The following AFF2 variants were observed in gnomAD, a reference collection of about 807,000 sequenced individuals.
AFF2 encodes the protein AF4/FMR2 family member 2.
In AFF2, 14 loss-of-function variants were observed where a neutral mutation model predicts 76.9. That is an observed-to-expected ratio of 0.18 (90% CI 0.12 to 0.28). The LOEUF is 0.28. AFF2 is among the 10% of genes least tolerant of loss of function. The probability of loss-of-function intolerance (pLI) is 1.00; values close to 1 mark genes in which losing one functional copy is unlikely to be tolerated. For missense variants in AFF2, 868 were observed against 1,001.1 expected, an observed-to-expected ratio of 0.87 and a Z score of 1.79; for synonymous variants, 398 against 366.7, an observed-to-expected ratio of 1.09 and a Z score of -0.98.
At chrX:148,830,269 G>A (rs1282611099) in intron 4 of AFF2, among the ~76,000 whole-genome samples, 6 of 112,205 alleles carry the variant, frequency 5.3e-5, no homozygotes, top group Non-Finnish European at 1.1e-4. Context: ...TGCCTGAGGG[G>A]GCCTAGTAGG....
At chrX:148,623,620 T>TATATATATATATATA (rs1569552301) in intron 1 of AFF2, among the ~76,000 whole-genome samples, 2 of 108,275 alleles carry the variant, frequency 1.8e-5, no homozygotes, top group Non-Finnish European at 3.8e-5. Context: ...TATATATATA[T>TATATATATATATATA]TTAACTTGGT....
intron 9 of AFF2, among the ~76,000 whole-genome samples, chrX:148,909,008 C>G (rs1360209601): frequency 1.8e-5 from 2 of 111,744 alleles, no homozygotes; most frequent in African/African-American, 3.3e-5. Flanking sequence ...GACTCCTGCT[C>G]TAGTTGGTGA....
chrX:148,879,095 G>C (rs1450671910), intron 7 of AFF2, among the ~76,000 whole-genome samples: 3 of 111,792 alleles, frequency 2.7e-5, no homozygotes, highest in Admixed American at 9.5e-5. Context: ...GATTTGGCTT[G>C]TGTATACAAT....
intron 9 of AFF2, among the ~76,000 whole-genome samples, chrX:148,928,765 G>A (rs2071681005): frequency 8.9e-6 from 1 of 112,239 alleles, no homozygotes; most frequent in Non-Finnish European, 1.9e-5. Flanking sequence ...CAAAGCAATT[G>A]CAGTAATAAT....
intron 3 of AFF2, among the ~76,000 whole-genome samples, chrX:148,685,275 G>A (rs782641199): frequency 8.9e-5 from 10 of 111,975 alleles, no homozygotes; most frequent in Non-Finnish European, 1.9e-4. Flanking sequence ...ACAATGACCA[G>A]TGGCTTAAAG....
At chrX:148,900,917 A>G (rs1395220540) in intron 8 of AFF2, among the ~76,000 whole-genome samples, 1 of 111,887 alleles carries the variant, frequency 8.9e-6, no homozygotes, top group African/African-American at 3.3e-5. Context: ...TAGGTTTCAT[A>G]CCACAATGTG....
At position 148,794,692 on chromosome X, in the gene AFF2, G is replaced by A. The variant is rs781915596; in HGVS notation, c.1042-15184G>A. On this transcript the variant is annotated intron_variant, in intron 3 of 20. Coordinates refer to ENST00000370460, the MANE Select transcript of AFF2 (RefSeq NM_002025.4). ...AGACTATCAGTATTTTGCCTTTGAT[G>A]TTGATGGTCAGCTTGGAATTTGTAA... Among the ~76,000 whole-genome samples, 44 of 111,700 alleles carry A rather than the reference G, an allele frequency of 3.9e-4. 3 individuals are homozygous for A. In the South Asian group the frequency reaches 0.016, roughly 42 times the overall value.
intron 1 of AFF2, among the ~76,000 whole-genome samples, chrX:148,649,668 C>A (rs1409970536): frequency 2.7e-5 from 3 of 112,410 alleles, no homozygotes; most frequent in Non-Finnish European, 5.6e-5. Context: ...CCTAACAAAT[C>A]AAAGCCAGGG....
chrX:148,963,107 A>G (rs888039268), intron 13 of AFF2, among the ~76,000 whole-genome samples, 170 bp downstream of exon 13: 3 of 112,033 alleles, frequency 2.7e-5, no homozygotes, highest in African/African-American at 9.7e-5. Flanking sequence ...CTTTTTGTAT[A>G]GTGCCTAGTA....
At chrX:148,806,029 C>T (rs1384994114) in intron 3 of AFF2, among the ~76,000 whole-genome samples, 1 of 112,417 alleles carries the variant, frequency 8.9e-6, no homozygotes, top group African/African-American at 3.2e-5. Context: ...TCTGAATACT[C>T]AAGAGTGGAT....
chrX:148,758,213 A>T, intron 3 of AFF2, among the ~76,000 whole-genome samples: 1 of 112,502 alleles, frequency 8.9e-6, no homozygotes, highest in Admixed American at 9.4e-5. Context: ...TGTATAGAAC[A>T]ATTTTCTGAG....
At chrX:148,628,308 A>G (rs1258201337) in intron 1 of AFF2, among the ~76,000 whole-genome samples, 1 of 111,358 alleles carries the variant, frequency 9.0e-6, no homozygotes, top group Non-Finnish European at 1.9e-5. Context: ...TGAATAAAAT[A>G]TTAATGTAAT....
At chrX:148,536,036 T>A (rs2052781226) in intron 1 of AFF2, among the ~76,000 whole-genome samples, 1 of 110,542 alleles carries the variant, frequency 9.0e-6, no homozygotes, top group African/African-American at 3.3e-5. Context: ...CTGGCCAACA[T>A]GGTGAAACCC....
intron 2 of AFF2, among the ~76,000 whole-genome samples, chrX:148,655,218 G>A (rs1311625107): frequency 9.0e-6 from 1 of 110,813 alleles, no homozygotes; most frequent in Non-Finnish European, 1.9e-5. Context: ...GTATAGTGTG[G>A]GGCAGGGCCT....
At chrX:148,545,806 C>A (rs1188142985) in intron 1 of AFF2, among the ~76,000 whole-genome samples, 1 of 110,906 alleles carries the variant, frequency 9.0e-6, no homozygotes. Flanking sequence ...TCCCACCCCC[C>A]AAATTTGTGA....
chrX:148,693,353 C>A lies in AFF2; in HGVS notation c.1041+30585C>A, dbSNP rs1294780306. 2.7e-5 allele frequency among the ~76,000 whole-genome samples: 3 copies of A among 111,553 alleles called. No individual in the cohort carries two copies. The Admixed American group carries it at 2.8e-4, about 11-fold the overall frequency. On this transcript the variant is annotated intron_variant, in intron 3 of 20. Transcript: ENST00000370460. ...GAAAGGTGACTCAGTGGAGGGCAGC[C>A]AGCAGCCCGCTCTCCCAGAAGATGA...
chrX:148,889,302 G>A (rs1557279460), intron 8 of AFF2, among the ~76,000 whole-genome samples: 1 of 111,334 alleles, frequency 9.0e-6, no homozygotes, highest in Non-Finnish European at 1.9e-5. Flanking sequence ...AGCAGTGTTA[G>A]CCATGCTGAG....
chrX:148,757,588 T>C (rs782634483), intron 3 of AFF2, among the ~76,000 whole-genome samples: 319 of 111,342 alleles, frequency 2.9e-3, no homozygotes, highest in Non-Finnish European at 4.3e-3. Flanking sequence ...GCATAAAAAA[T>C]AACCTAGATT....
intron 3 of AFF2, among the ~76,000 whole-genome samples, chrX:148,663,945 T>C (rs2054333296): frequency 8.9e-6 from 1 of 112,180 alleles, no homozygotes; most frequent in African/African-American, 3.2e-5. Context: ...TAATATTGTT[T>C]CATTTCTGAG....
Sources: gnomAD v4.1 joint callset for allele counts (sites outside exome capture counted in the v4.1 genomes callset) on GRCh38, gnomAD v4.1.1 for gene constraint, MANE v1.5 for transcripts, NCBI Gene and HGNC (gene_info 2026-07-23, HGNC 2026-07-21) for gene names.